RBMS3: variants seen among roughly 807,000 people sequenced by gnomAD.
The protein encoded by RBMS3 is RNA-binding motif, single-stranded-interacting protein 3.
In RBMS3, 27 loss-of-function variants were observed where a neutral mutation model predicts 66.8. That is an observed-to-expected ratio of 0.40 (90% CI 0.30 to 0.56). The LOEUF is 0.56. Ranked by LOEUF, RBMS3 falls within the 20% of genes least tolerant of loss-of-function variation. The pLI is 0.40. For synonymous variants in RBMS3, 188 were observed against 183.0 expected (o/e 1.03, Z -0.22); for missense variants, 513 against 549.5 (o/e 0.93, Z 0.66).
At chr3:29,640,293 C>A (rs2049651433) in intron 4 of RBMS3, among the ~76,000 whole-genome samples, 1 of 151,020 alleles carries the variant, frequency 6.6e-6, no homozygotes, top group Non-Finnish European at 1.5e-5. Context: ...CACCCACACA[C>A]ACACGAAAGA....
Position 29,707,788 on chromosome 3 carries a change from A to G in RBMS3, c.400-31932A>G, listed in dbSNP as rs561555841. ...TTGCCAAACGAGGGTAGGAATGGAA[A>G]GACTATCAAGTGCCAGTAAGTCCAT... is the stretch of plus-strand genomic sequence containing the variant. On this transcript the variant is annotated intron_variant, in intron 4 of 14. Coordinates refer to ENST00000383767, the MANE Select transcript of RBMS3 (RefSeq NM_001003793.3). Among the ~76,000 whole-genome samples the G allele has an allele frequency of 2.0e-5, 3 of 152,344 alleles. No individual in the cohort carries two copies. In the East Asian group the frequency reaches 5.8e-4, roughly 29 times the overall value.
chr3:29,522,758 G>C (rs574038257), intron 3 of RBMS3, among the ~76,000 whole-genome samples: 1 of 152,224 alleles, frequency 6.6e-6, no homozygotes, highest in African/African-American at 2.4e-5. Context: ...CAATCCTACT[G>C]GAATCTAGTT....
chr3:29,637,651 T>G (rs2049523606), intron 4 of RBMS3, among the ~76,000 whole-genome samples: 1 of 151,922 alleles, frequency 6.6e-6, no homozygotes, highest in South Asian at 2.1e-4. Flanking sequence ...CTCTTGCATG[T>G]ACAGGCAGCT....
At chr3:29,880,963 C>T (rs2059723150) in intron 7 of RBMS3, 2 of 837,916 alleles carry the variant, frequency 2.4e-6, no homozygotes, top group East Asian at 2.7e-5. Flanking sequence ...CATGCTAACT[C>T]CTGTTCCCCA....
intron 4 of RBMS3, among the ~76,000 whole-genome samples, chr3:29,674,468 C>T: frequency 6.6e-6 from 1 of 152,010 alleles, no homozygotes; most frequent in East Asian, 1.9e-4. Flanking sequence ...CAAATTGTCC[C>T]CGTTTGCAGA....
At chr3:29,358,913 C>T (rs2037393378) in intron 1 of RBMS3, among the ~76,000 whole-genome samples, 1 of 152,154 alleles carries the variant, frequency 6.6e-6, no homozygotes, top group Non-Finnish European at 1.5e-5. Flanking sequence ...TGAGACTTTG[C>T]TGAAGTTGCT....
intron 12 of RBMS3, among the ~76,000 whole-genome samples, chr3:29,960,726 G>T (rs944619198): frequency 6.6e-6 from 1 of 152,084 alleles, no homozygotes; most frequent in Non-Finnish European, 1.5e-5. Context: ...TCAACACCAC[G>T]TGGAAGCTGC....
intron 6 of RBMS3, among the ~76,000 whole-genome samples, chr3:29,830,462 C>T (rs2058343155): frequency 6.6e-6 from 1 of 152,046 alleles, no homozygotes; most frequent in Non-Finnish European, 1.5e-5. Context: ...AGGCTGTTAC[C>T]AGCACGGTAA....
chr3:29,770,527 A>G (rs1447997585), intron 6 of RBMS3, among the ~76,000 whole-genome samples: 2 of 151,936 alleles, frequency 1.3e-5, no homozygotes, highest in Non-Finnish European at 2.9e-5. Flanking sequence ...ATTTCATGGG[A>G]TAGAGAAAAG....
Position 30,005,191 on chromosome 3 carries a change from T to C in RBMS3, c.*1329T>C, listed in dbSNP as rs925426715. ...AACTACCTTCCACTGGTGTTTTACA[T>C]AGTGCAAAAAAAAAAAGAGGGTGGG... On this transcript the variant is annotated 3_prime_UTR_variant, in exon 15 of 15. Transcript: ENST00000383767. The C allele has an allele frequency of 4.5e-5, 4 of 88,110 alleles. No homozygotes were observed. Among genetic ancestry groups the C allele is most frequent in the African/African-American group, 2.6e-4 (4 of 15,240 alleles). The allele number at this position is 88,110 out of a possible 1,614,324, so 5.5% of individuals were successfully genotyped here.
At chr3:29,829,412 G>A (rs573150580) in intron 6 of RBMS3, among the ~76,000 whole-genome samples, 22 of 152,068 alleles carry the variant, frequency 1.4e-4, no homozygotes, top group Admixed American at 2.6e-4. Context: ...TGTAAAACTC[G>A]CTGAACATAC....
intron 4 of RBMS3, among the ~76,000 whole-genome samples, chr3:29,687,201 A>C (rs1220250157): frequency 6.6e-6 from 1 of 152,246 alleles, no homozygotes; most frequent in Non-Finnish European, 1.5e-5. Flanking sequence ...ACATGGCTAC[A>C]GATAATAGAA....
At chr3:29,383,694 A>G (rs2038873987) in intron 1 of RBMS3, among the ~76,000 whole-genome samples, 1 of 152,184 alleles carries the variant, frequency 6.6e-6, no homozygotes, top group Non-Finnish European at 1.5e-5. Flanking sequence ...CACCTCACTT[A>G]GTACCTGGCA....
At chr3:29,884,307 T>C in intron 8 of RBMS3, 99 bp downstream of exon 8, 10 of 1,163,030 alleles carry the variant, frequency 8.6e-6, no homozygotes, top group Non-Finnish European at 1.2e-5. Context: ...GCTTTTGTTT[T>C]ACATCCTTAA....
chr3:29,439,781 G>C (rs1432174833), intron 2 of RBMS3, among the ~76,000 whole-genome samples: 1 of 151,582 alleles, frequency 6.6e-6, no homozygotes, highest in Non-Finnish European at 1.5e-5. Context: ...AGTCTTGAAC[G>C]GGTCATCAAT....
chr3:29,866,515 G>A (rs892611518), intron 6 of RBMS3, among the ~76,000 whole-genome samples: 3 of 152,174 alleles, frequency 2.0e-5, no homozygotes, highest in Non-Finnish European at 2.9e-5. Context: ...GAACTCATAT[G>A]TCAGCATGAC....
At chr3:29,618,382 T>G (rs915476934) in intron 4 of RBMS3, among the ~76,000 whole-genome samples, 1 of 152,076 alleles carries the variant, frequency 6.6e-6, no homozygotes. Context: ...GGTGGGTACC[T>G]GTAATCCCAG....
At chr3:29,513,998 T>A (rs1174613305) in intron 3 of RBMS3, among the ~76,000 whole-genome samples, 3 of 152,208 alleles carry the variant, frequency 2.0e-5, no homozygotes, top group Admixed American at 2.0e-4. Flanking sequence ...TTGCTTTCTC[T>A]ACCCAGGCTG....
At chr3:29,313,781 A>C (rs909915602) in intron 1 of RBMS3, among the ~76,000 whole-genome samples, 12 of 151,754 alleles carry the variant, frequency 7.9e-5, no homozygotes, top group Admixed American at 5.9e-4. Flanking sequence ...TGACTGGTTT[A>C]TAGATGGATA....
Sources: gnomAD v4.1 joint callset for allele counts (sites outside exome capture counted in the v4.1 genomes callset) on GRCh38, gnomAD v4.1.1 for gene constraint, MANE v1.5 for transcripts, NCBI Gene and HGNC (gene_info 2026-07-23, HGNC 2026-07-21) for gene names.